Variants in HAUS2 observed in about 807,000 individuals in gnomAD.
HAUS2 encodes the protein HAUS augmin-like complex subunit 2.
HAUS2 carries 20 observed loss-of-function variants against 21.6 expected under a neutral mutation model. The ratio of observed to expected loss-of-function variants is 0.93; its 90% CI spans 0.65 to 1.35. The LOEUF is 1.35. HAUS2 is among the 40% of genes most tolerant of loss of function. The pLI is 0.00. For synonymous variants in HAUS2, 113 were observed against 95.6 expected, an observed-to-expected ratio of 1.18 and a Z score of -1.06; for missense variants, 297 against 280.7, an observed-to-expected ratio of 1.06 and a Z score of -0.42.
In HAUS2 at chr15:42,569,942, T is replaced by C. The variant is rs1436864822; in HGVS notation, c.*3126T>C. On this transcript the variant is annotated 3_prime_UTR_variant, in exon 6 of 6. Coordinates refer to ENST00000260372, the MANE Select transcript of HAUS2 (RefSeq NM_018097.3). ...TATGCCTGGTTGTTTATTTTTGTTTTCTATTATGCCTTTTTCAAAATATAA... is the reference window on the plus strand; with the variant it reads ...TATGCCTGGTTGTTTATTTTTGTTTCCTATTATGCCTTTTTCAAAATATAA... The C allele has an allele frequency of 6.6e-6, 1 of 152,242 alleles. No homozygotes were observed. The highest frequency in any genetic ancestry group is 1.5e-5 in the Non-Finnish European group (1 of 68,048). 9.4% of individuals were successfully genotyped at this position (152,242 alleles called of 1,614,324 possible). A position where few individuals can be genotyped will look rare whatever the true frequency, so the allele number is the denominator to read the frequency against.
chr15:42,553,943 AAGTTGG>A (rs1297874052), intron 1 of HAUS2, among the ~76,000 whole-genome samples: 1 of 152,224 alleles, frequency 6.6e-6, no homozygotes, highest in Non-Finnish European at 1.5e-5. Context: ...TGGCAGTGTG[AAGTTGG>A]AGTAATACTT....
At chr15:42,562,556 C>T (rs1271926432) in intron 4 of HAUS2, among the ~76,000 whole-genome samples, 3 of 152,228 alleles carry the variant, frequency 2.0e-5, no homozygotes, top group Admixed American at 2.0e-4. Context: ...GATTGTGCCA[C>T]TGCACTCCAG....
intron 1 of HAUS2, among the ~76,000 whole-genome samples, chr15:42,552,652 C>CCAGCA (rs2057737457): frequency 6.6e-6 from 1 of 152,120 alleles, no homozygotes; most frequent in South Asian, 2.1e-4. Context: ...AGTGGCCTTA[C>CCAGCA]ATTCTAGATA....
chr15:42,560,839 C>T lies in HAUS2; in HGVS notation c.257-431C>T, dbSNP rs373013457. The T allele has an allele frequency of 2.4e-4, 170 of 702,102 alleles. 4 individuals are homozygous for T. The highest frequency in any genetic ancestry group is 1.4e-3 in the East Asian group (52 of 37,274). The allele number at this position is 702,102 out of a possible 1,614,324, so 43.5% of individuals were successfully genotyped here. ...CTCGAACTCATGGCCTCAATTCTCC[C>T]GTTTCAGTCTCCCAAAACACTGCGA... On this transcript the variant is annotated intron_variant, in intron 3 of 5. Transcript: ENST00000260372.
chr15:42,558,682 A>AT (rs913390656), intron 2 of HAUS2, among the ~76,000 whole-genome samples: 95 of 151,608 alleles, frequency 6.3e-4, no homozygotes, highest in African/African-American at 2.3e-3. Context: ...AGTTGGCCAG[A>AT]TGTAGTGGCT....
Position 42,567,023 on chromosome 15 carries a change from G to C in HAUS2, c.*207G>C. 2.4e-6 allele frequency: 1 copy of C among 409,430 alleles called. No individual in the cohort carries two copies. Among genetic ancestry groups the C allele is most frequent in the Non-Finnish European group, 4.4e-6 (1 of 228,404 alleles). The allele number at this position is 409,430 out of a possible 1,614,324, so 25.4% of individuals were successfully genotyped here. Reference sequence around the variant, plus strand: ...TTTATTCTACCTTTCAGTAAAACTAGAGAAGCTAAAAAATAGCCATGACAA... The same window carrying C: ...TTTATTCTACCTTTCAGTAAAACTACAGAAGCTAAAAAATAGCCATGACAA... On this transcript the variant is annotated 3_prime_UTR_variant, in exon 6 of 6. Transcript: ENST00000260372.
At chr15:42,552,399 C>T (rs374064881) in intron 1 of HAUS2, among the ~76,000 whole-genome samples, 2 of 152,216 alleles carry the variant, frequency 1.3e-5, no homozygotes, top group South Asian at 4.2e-4. Context: ...TTCAAACAGC[C>T]CATCCCTTTA....
chr15:42,553,179 G>C (rs185882380), intron 1 of HAUS2, among the ~76,000 whole-genome samples: 1 of 151,910 alleles, frequency 6.6e-6, no homozygotes, highest in Non-Finnish European at 1.5e-5. Context: ...TAGAGACGGG[G>C]TTTCACCATG....
At chr15:42,558,095 G>T (rs2057805729) in intron 1 of HAUS2, 103 bp from the exon 2 acceptor site, 7 of 628,208 alleles carry the variant, frequency 1.1e-5, no homozygotes, top group Non-Finnish European at 2.0e-5. Flanking sequence ...AGGCAGTGTT[G>T]AACATAATAT....
rs139933934 is a variant in HAUS2, at chr15:42,565,387, ATGTGTGTG to A, written c.499-1182_499-1175del. 4.1e-3 allele frequency among the ~76,000 whole-genome samples: 556 copies of A among 136,490 alleles called. 2 individuals are homozygous for A. Among genetic ancestry groups the A allele is most frequent in the East Asian group, 0.018 (79 of 4,332 alleles). 89.5% of individuals were successfully genotyped at this position (136,490 alleles called of 152,430 possible). On this transcript the variant is annotated intron_variant, in intron 5 of 5. Transcript: ENST00000260372. ...TGTCTGAGTATTGGGGAGCCATTGA[ATGTGTGTG>A]TGTGTGTGTGTGTGTGTGTGTGTGT...
At chr15:42,552,331 T>C (rs984393176) in intron 1 of HAUS2, among the ~76,000 whole-genome samples, 38 of 152,294 alleles carry the variant, frequency 2.5e-4, no homozygotes, top group South Asian at 6.2e-4. Flanking sequence ...GCCAAAAACC[T>C]TTTCCTATTA....
intron 1 of HAUS2, 147 bp from the exon 2 acceptor site, chr15:42,558,051 A>G (rs961603203): frequency 1.8e-6 from 1 of 549,040 alleles, no homozygotes. Flanking sequence ...GGAATTACAC[A>G]TTGCTACTAT....
chr15:42,561,296 A>T lies in HAUS2; in HGVS notation c.283A>T (p.Met95Leu), dbSNP rs779426962. 1.3e-5 allele frequency: 20 copies of T among 1,566,220 alleles called. No homozygotes were observed. The East Asian group carries it at 4.5e-4, about 35-fold the overall frequency. Residue 95 changes from methionine (M) to leucine (L), a missense_variant, in exon 4 of 6, where the codon ATG becomes TTG. By Grantham distance (15) the Met-to-Leu change is conservative. Transcript: ENST00000260372. ...TCAGAAGTGTCATACTCTGCAAAGC[A>T]TGAATAATCATTTGGAAGCAGTGCT... ...LAQKCHTLQS[M>L]NNHLEAVLKE...
chr15:42,565,363 G>A (rs1326153882), intron 5 of HAUS2, among the ~76,000 whole-genome samples: 1 of 151,240 alleles, frequency 6.6e-6, no homozygotes, highest in African/African-American at 2.4e-5. Flanking sequence ...AGACTTTACT[G>A]TCTGAGTATT....
intron 5 of HAUS2, 64 bp from the exon 6 acceptor site, chr15:42,566,543 A>T: frequency 1.1e-6 from 1 of 887,862 alleles, no homozygotes; most frequent in Non-Finnish European, 1.9e-6. Context: ...GGTATCAGTT[A>T]CTGATGATAT....
intron 5 of HAUS2, 39 bp from the exon 6 acceptor site, chr15:42,566,568 A>G (rs745609876): frequency 1.9e-6 from 2 of 1,055,138 alleles, no homozygotes; most frequent in Non-Finnish European, 3.0e-6. Context: ...AATTAATAAG[A>G]GACATAATTT....
At chr15:42,561,938 A>G (rs1295567368) in intron 4 of HAUS2, among the ~76,000 whole-genome samples, 1 of 152,212 alleles carries the variant, frequency 6.6e-6, no homozygotes, top group Non-Finnish European at 1.5e-5. Context: ...GAGTATTACA[A>G]GTATCAAATT....
At chr15:42,560,427 A>T (rs1308040896) in intron 3 of HAUS2, among the ~76,000 whole-genome samples, 1 of 152,110 alleles carries the variant, frequency 6.6e-6, no homozygotes, top group Middle Eastern at 3.2e-3. Context: ...GAGAAAGAAG[A>T]TAAAAAGAAA....
chr15:42,562,092 A>G (rs2057858634), intron 4 of HAUS2, among the ~76,000 whole-genome samples: 1 of 152,156 alleles, frequency 6.6e-6, no homozygotes, highest in Admixed American at 6.5e-5. Context: ...ACCTGAGCCC[A>G]GGAGGTCAAG....
Sources: allele counts gnomAD v4.1 joint callset (sites outside exome capture counted in the v4.1 genomes callset), GRCh38; gene constraint gnomAD v4.1.1; transcripts MANE v1.5; gene names NCBI Gene and HGNC (gene_info 2026-07-23, HGNC 2026-07-21).